Variants in NUP35 observed in about 807,000 individuals in gnomAD.
The protein encoded by NUP35 is nucleoporin 35.
NUP35 carries 25 observed loss-of-function variants against 41.5 expected under a neutral mutation model. That is an observed-to-expected ratio of 0.60 (90% CI 0.44 to 0.84). NUP35 has a LOEUF of 0.84. Ranked by LOEUF, NUP35 falls within the 40% of genes least tolerant of loss-of-function variation. The pLI is 0.00. For missense variants in NUP35, 396 were observed against 396.6 expected (o/e 1.00, Z 0.01); for synonymous variants, 149 against 130.7 (o/e 1.14, Z -0.96).
chr2:183,149,414 C>T (rs1446405156), intron 4 of NUP35, among the ~76,000 whole-genome samples: 2 of 151,326 alleles, frequency 1.3e-5, no homozygotes, highest in African/African-American at 4.9e-5. Context: ...AAAAGATTTG[C>T]AGGAAGAGTG....
Position 183,124,620 on chromosome 2 carries a change from C to T in NUP35, c.40+123C>T. On this transcript the variant is annotated intron_variant, in intron 1 of 8. Coordinates refer to ENST00000295119, the MANE Select transcript of NUP35 (RefSeq NM_138285.5). The stretch of plus-strand genomic sequence containing the variant: ...TGGTTTCAGTCGCGGAGAGGGAATC[C>T]TTGGGTGCCCCCAAGTTCATAGTCG... 3 of 1,272,622 alleles carry T rather than the reference C, an allele frequency of 2.4e-6. No homozygotes were observed. The South Asian group carries it at 3.7e-5, about 16-fold the overall frequency. The allele number at this position is 1,272,622 out of a possible 1,614,324, so 78.8% of individuals were successfully genotyped here.
intron 5 of NUP35, 71 bp from the exon 6 acceptor site, chr2:183,157,370 CATT>C: frequency 1.8e-6 from 2 of 1,086,580 alleles, no homozygotes; most frequent in South Asian, 1.2e-5. Flanking sequence ...TATCTTGAAA[CATT>C]ATCTTGTAGT....
intron 5 of NUP35, among the ~76,000 whole-genome samples, chr2:183,152,189 G>A (rs4666615): frequency 0.88 from 132,915 of 150,650 alleles, 58,844 homozygotes; most frequent in East Asian, 0.99. Flanking sequence ...GGTCCACAAA[G>A]TATTGAATAT....
At chr2:183,118,064 G>T (rs1240153758) in intron 1 of NUP35, among the ~76,000 whole-genome samples, 1 of 152,148 alleles carries the variant, frequency 6.6e-6, no homozygotes, top group Non-Finnish European at 1.5e-5. Context: ...CTGGGCAGTT[G>T]TATTTATTAA....
In NUP35 at chr2:183,157,438, T is replaced by C; in HGVS notation, c.540-6T>C. 6.2e-7 allele frequency: 1 copy of C among 1,606,292 alleles called. No homozygotes were observed. The highest frequency in any genetic ancestry group is 8.5e-7 in the Non-Finnish European group (1 of 1,173,056). ...GACGTTTTCTTTGGACAACTCTTTTTTTCAGGTTTCCTCAAGCATCTGCTT... is the reference window on the plus strand; with the variant it reads ...GACGTTTTCTTTGGACAACTCTTTTCTTCAGGTTTCCTCAAGCATCTGCTT... On this transcript the variant is annotated splice_region_variant and splice_polypyrimidine_tract_variant and intron_variant, in intron 5 of 8. Transcript: ENST00000295119.
rs535497245 is a variant in NUP35, at chr2:183,133,690, A to C, written c.397+67A>C. ...GGTCTGGCTCTGCTACCCACGCTGG[A>C]GTGCAGTGGTGTGATCACGGAGTAA... On this transcript the variant is annotated intron_variant, in intron 4 of 8. Transcript: ENST00000295119. 69 of 1,111,198 alleles carry C rather than the reference A, an allele frequency of 6.2e-5. No homozygotes were observed. The African/African-American group carries it at 9.8e-4, about 16-fold the overall frequency. 68.8% of individuals were successfully genotyped at this position (1,111,198 alleles called of 1,614,324 possible). A position where few individuals can be genotyped will look rare whatever the true frequency, so the allele number is the denominator to read the frequency against.
intron 4 of NUP35, among the ~76,000 whole-genome samples, chr2:183,137,651 G>A (rs1468849690): frequency 2.0e-5 from 3 of 152,078 alleles, no homozygotes; most frequent in Non-Finnish European, 4.4e-5. Flanking sequence ...GGCTGAGTGT[G>A]GCATGGTGGC....
intron 7 of NUP35, among the ~76,000 whole-genome samples, chr2:183,159,037 T>G (rs1685774451): frequency 6.6e-6 from 1 of 152,118 alleles, no homozygotes; most frequent in Admixed American, 6.5e-5. Context: ...CAAAGCAAGA[T>G]GTGGTTCCTA....
intron 5 of NUP35, among the ~76,000 whole-genome samples, chr2:183,152,110 A>AACACGCACACACACAC (rs1377660294): frequency 8.8e-6 from 1 of 113,396 alleles, no homozygotes; most frequent in East Asian, 3.5e-4. Context: ...AACATTTACA[A>AACACGCACACACACAC]ACACACACAC....
chr2:183,126,653 TGTC>T (rs1684500500), intron 1 of NUP35, among the ~76,000 whole-genome samples: 2 of 147,560 alleles, frequency 1.4e-5, no homozygotes, highest in South Asian at 2.1e-4. Flanking sequence ...TTTTTTTTTT[TGTC>T]TTTTATACAC....
At chr2:183,134,398 G>C (rs1016328253) in intron 4 of NUP35, among the ~76,000 whole-genome samples, 3 of 152,050 alleles carry the variant, frequency 2.0e-5, no homozygotes, top group Non-Finnish European at 4.4e-5. Flanking sequence ...AAGCAGCAAA[G>C]GGGGGGAGGG....
At position 183,127,327 on chromosome 2, in the gene NUP35, A is replaced by G. The variant is rs190807860; in HGVS notation, c.41-960A>G. 2.4e-3 allele frequency among the ~76,000 whole-genome samples: 362 copies of G among 151,366 alleles called. 3 individuals carry two copies. The highest frequency in any genetic ancestry group is 8.4e-3 in the African/African-American group (345 of 41,256). ...AAGATGAGATCTCAGTGTGTTGCCC[A>G]GGCTGGTCTTGAACTCCTGAGCTCA... On this transcript the variant is annotated intron_variant, in intron 1 of 8. Transcript: ENST00000295119.
At chr2:183,122,730 G>GC (rs1325267887), upstream of NUP35, among the ~76,000 whole-genome samples, 1 of 152,124 alleles carries the variant, frequency 6.6e-6, no homozygotes, top group Non-Finnish European at 1.5e-5. Flanking sequence ...TGCTGGGATT[G>GC]CAGGTGTGAG....
upstream of NUP35, chr2:183,123,962 T>A: frequency 2.9e-6 from 1 of 345,634 alleles, no homozygotes; most frequent in Non-Finnish European, 4.1e-6. Flanking sequence ...ACACAAAATT[T>A]AAAAGAAATG....
At chr2:183,132,552 G>C (rs763481256) in intron 3 of NUP35, among the ~76,000 whole-genome samples, 4 of 152,024 alleles carry the variant, frequency 2.6e-5, no homozygotes, top group Non-Finnish European at 5.9e-5. Context: ...GTGAGACCCT[G>C]TCTCAAAAAT....
intron 2 of NUP35, 117 bp downstream of exon 2, chr2:183,128,574 G>T: frequency 4.0e-6 from 2 of 496,518 alleles, no homozygotes; most frequent in Non-Finnish European, 6.7e-6. Flanking sequence ...ATAAAATACA[G>T]TAACTCTAAT....
At chr2:183,125,714 A>G (rs935823440) in intron 1 of NUP35, among the ~76,000 whole-genome samples, 1 of 152,240 alleles carries the variant, frequency 6.6e-6, no homozygotes, top group Non-Finnish European at 1.5e-5. Flanking sequence ...TACAAATGTG[A>G]GTAAACCAAT....
chr2:183,160,792 T>C (rs1685844163), intron 8 of NUP35: 2 of 227,724 alleles, frequency 8.8e-6, no homozygotes, highest in South Asian at 8.7e-5. Flanking sequence ...TTTAAAAATA[T>C]ACAATTCAGG....
chr2:183,149,082 G>A (rs188390439), intron 4 of NUP35, among the ~76,000 whole-genome samples: 1 of 152,136 alleles, frequency 6.6e-6, no homozygotes, highest in Non-Finnish European at 1.5e-5. Context: ...TGGGAATTAA[G>A]GATAAATGGC....
Sources: allele counts gnomAD v4.1 joint callset (sites outside exome capture counted in the v4.1 genomes callset), GRCh38; gene constraint gnomAD v4.1.1; transcripts MANE v1.5; gene names NCBI Gene and HGNC (gene_info 2026-07-23, HGNC 2026-07-21).